The following TSPAN9 variants were observed in gnomAD, a reference collection of about 807,000 sequenced individuals.
TSPAN9 encodes the protein tetraspanin-9.
In TSPAN9, 16 loss-of-function variants were observed where a neutral mutation model predicts 31.0. The ratio of observed to expected loss-of-function variants is 0.52; its 90% CI spans 0.35 to 0.78. The LOEUF is 0.78. Among genes scored for constraint, TSPAN9 ranks in the 30% least tolerant of loss-of-function variants. TSPAN9 has a pLI of 0.01. For synonymous variants in TSPAN9, 145 were observed against 121.6 expected, an observed-to-expected ratio of 1.19 and a Z score of -1.27; for missense variants, 272 against 312.5, an observed-to-expected ratio of 0.87 and a Z score of 0.98.
At chr12:3,239,564 G>A (rs2098395513) in intron 3 of TSPAN9, among the ~76,000 whole-genome samples, 1 of 152,242 alleles carries the variant, frequency 6.6e-6, no homozygotes, top group South Asian at 2.1e-4. Context: ...CAGCAAACGA[G>A]GTCAGAGAGA....
At chr12:3,137,076 C>T (rs573972270) in intron 2 of TSPAN9, among the ~76,000 whole-genome samples, 1 of 152,340 alleles carries the variant, frequency 6.6e-6, no homozygotes, top group East Asian at 1.9e-4. Flanking sequence ...GGGACTGCGG[C>T]CGGGACCCTC....
At chr12:3,138,036 T>C (rs1389733420) in intron 2 of TSPAN9, among the ~76,000 whole-genome samples, 1 of 152,152 alleles carries the variant, frequency 6.6e-6, no homozygotes, top group African/African-American at 2.4e-5. Flanking sequence ...CCCAGGACCA[T>C]CCTTGCCTTC....
chr12:3,128,607 C>T (rs552684605), intron 2 of TSPAN9, among the ~76,000 whole-genome samples: 1 of 152,248 alleles, frequency 6.6e-6, no homozygotes, highest in South Asian at 2.1e-4. Context: ...ACCCATAGCC[C>T]CCCAAGAAAT....
chr12:3,095,412 G>T (rs1294950425), intron 2 of TSPAN9, among the ~76,000 whole-genome samples: 1 of 147,592 alleles, frequency 6.8e-6, no homozygotes, highest in Non-Finnish European at 1.5e-5. Context: ...GGTGGTGGCC[G>T]GGCAGAGGGG....
intron 3 of TSPAN9, among the ~76,000 whole-genome samples, chr12:3,212,504 T>C (rs1307805479): frequency 1.9e-5 from 2 of 102,614 alleles, no homozygotes; most frequent in East Asian, 2.4e-4. Context: ...CTTGAACTCC[T>C]GGCCTTAAGC....
chr12:3,272,224 C>T (rs2153980162), intron 3 of TSPAN9, among the ~76,000 whole-genome samples: 1 of 152,250 alleles, frequency 6.6e-6, no homozygotes. Flanking sequence ...TAAAATAGGG[C>T]AGCAGAGGTG....
At chr12:3,163,706 C>T (rs74054916) in intron 2 of TSPAN9, among the ~76,000 whole-genome samples, 202 of 152,234 alleles carry the variant, frequency 1.3e-3, no homozygotes, top group African/African-American at 4.6e-3. Flanking sequence ...CAATCCATTG[C>T]GTATAATTTA....
At chr12:3,173,123 C>G (rs2098352995) in intron 2 of TSPAN9, 2 of 152,564 alleles carry the variant, frequency 1.3e-5, no homozygotes, top group Non-Finnish European at 2.9e-5. Flanking sequence ...GCCCACTGAC[C>G]TGGTCGGCTG....
intron 2 of TSPAN9, among the ~76,000 whole-genome samples, chr12:3,153,846 ATGTGTGTGTG>A (rs370813097): frequency 5.8e-5 from 6 of 103,902 alleles, no homozygotes; most frequent in Non-Finnish European, 1.2e-4. Context: ...TTATATATAT[ATGTGTGTGTG>A]TGTGTGCGTG....
At chr12:3,134,013 C>G (rs2153967192) in intron 2 of TSPAN9, among the ~76,000 whole-genome samples, 1 of 152,274 alleles carries the variant, frequency 6.6e-6, no homozygotes, top group South Asian at 2.1e-4. Flanking sequence ...GGGACTGATT[C>G]TTGGAACAGC....
At chr12:3,226,597 G>T (rs1183112442) in intron 3 of TSPAN9, among the ~76,000 whole-genome samples, 1 of 149,576 alleles carries the variant, frequency 6.7e-6, no homozygotes, top group Non-Finnish European at 1.5e-5. Flanking sequence ...CCAGGAGTTT[G>T]AGGCCAGCCT....
intron 8 of TSPAN9, among the ~76,000 whole-genome samples, chr12:3,282,800 C>CAGA (rs1862923053): frequency 6.6e-6 from 1 of 152,248 alleles, no homozygotes; most frequent in African/African-American, 2.4e-5. Flanking sequence ...ATGCATCCTG[C>CAGA]AGAGGTTCGA....
At chr12:3,089,305 T>G (rs2098302675) in intron 2 of TSPAN9, among the ~76,000 whole-genome samples, 1 of 147,918 alleles carries the variant, frequency 6.8e-6, no homozygotes. Context: ...GTGAATTTTT[T>G]TTTTTTTTTT....
chr12:3,266,187 T>C (rs982811248), intron 3 of TSPAN9, among the ~76,000 whole-genome samples: 1 of 152,132 alleles, frequency 6.6e-6, no homozygotes, highest in African/African-American at 2.4e-5. Context: ...CTTTCTGGCT[T>C]TCATGGGAAA....
At chr12:3,201,998 A>C (rs1156682599) in intron 3 of TSPAN9, among the ~76,000 whole-genome samples, 1 of 152,174 alleles carries the variant, frequency 6.6e-6, no homozygotes, top group African/African-American at 2.4e-5. Flanking sequence ...GAAGGGACAA[A>C]GGGAGACAAG....
intron 2 of TSPAN9, among the ~76,000 whole-genome samples, chr12:3,125,785 C>A (rs533579950): frequency 1.3e-5 from 2 of 152,094 alleles, no homozygotes; most frequent in South Asian, 2.1e-4. Flanking sequence ...AGGAATGGTT[C>A]TGTGGCTGAC....
At chr12:3,163,063 C>A (rs566202225) in intron 2 of TSPAN9, among the ~76,000 whole-genome samples, 1 of 152,328 alleles carries the variant, frequency 6.6e-6, no homozygotes, top group Admixed American at 6.5e-5. Flanking sequence ...CTTCCATGGT[C>A]CCTGGCTGCG....
At chr12:3,152,015 C>T (rs142980621) in intron 2 of TSPAN9, among the ~76,000 whole-genome samples, 1 of 152,242 alleles carries the variant, frequency 6.6e-6, no homozygotes, top group Non-Finnish European at 1.5e-5. Flanking sequence ...AAATGGGATG[C>T]CTGCTGGAGG....
intron 3 of TSPAN9, among the ~76,000 whole-genome samples, chr12:3,232,767 C>T (rs930044643): frequency 6.6e-6 from 1 of 152,224 alleles, no homozygotes; most frequent in East Asian, 1.9e-4. Context: ...CTCTCCCGTT[C>T]CTCAGACACA....
Sources: gnomAD v4.1 joint callset for allele counts (sites outside exome capture counted in the v4.1 genomes callset) on GRCh38, gnomAD v4.1.1 for gene constraint, MANE v1.5 for transcripts, NCBI Gene and HGNC (gene_info 2026-07-23, HGNC 2026-07-21) for gene names.